The following PTPRK variants were observed in gnomAD, a reference collection of about 807,000 sequenced individuals.
PTPRK encodes receptor-type tyrosine-protein phosphatase kappa.
Under a neutral mutation model 178.0 loss-of-function variants are expected in PTPRK, and 75 were observed. The observed-to-expected ratio is 0.42, with a 90% confidence interval of 0.35 to 0.51. The LOEUF (loss-of-function observed/expected upper bound fraction) is 0.51, where lower values mean the gene tolerates loss of function less well. Among genes scored for constraint, PTPRK ranks in the 20% least tolerant of loss-of-function variants. PTPRK has a pLI of 0.02. For synonymous variants in PTPRK, 637 were observed against 620.6 expected (o/e 1.03, Z -0.39); for missense variants, 1,441 against 1,797.8 (o/e 0.80, Z 3.59).
chr6:128,472,316 G>A (rs1231217868), intron 1 of PTPRK, among the ~76,000 whole-genome samples: 2 of 151,898 alleles, frequency 1.3e-5, no homozygotes, highest in Admixed American at 6.6e-5. Context: ...TGGTGCACCC[G>A]AGCTACATGC....
intron 7 of PTPRK, among the ~76,000 whole-genome samples, chr6:128,116,198 C>T (rs1791502386): frequency 6.6e-6 from 1 of 152,076 alleles, no homozygotes. Context: ...TTAAGGTTAA[C>T]AGGGACACAG....
rs74297178 is a variant in PTPRK, at chr6:128,117,587, T to C, written c.1163-27595A>G. Among the ~76,000 whole-genome samples the C allele has an allele frequency of 1.1e-3, 161 of 152,338 alleles. 3 individuals carry two copies. In the East Asian group the frequency reaches 0.028, roughly 26 times the overall value. ...TTTTTTAGTCTCCAGCTTAATTCAT[T>C]TTTATCAATTAAGATTTGCACAGCT... is the stretch of plus-strand genomic sequence containing the variant. On this transcript the variant is annotated intron_variant, in intron 7 of 29. Coordinates refer to ENST00000368226, the MANE Select transcript of PTPRK (RefSeq NM_002844.4).
Position 128,412,457 on chromosome 6 carries a change from C to G in PTPRK, c.101-14769G>C, listed in dbSNP as rs1584592126. 2.0e-5 allele frequency among the ~76,000 whole-genome samples: 3 copies of G among 152,160 alleles called. No individual in the cohort carries two copies. In the East Asian group the frequency reaches 5.8e-4, roughly 29 times the overall value. ...GCTAGTAAGGCACCAAGCCATAGTT[C>G]AAATCCAAGCAAAGCTGGCAGTTCC... On this transcript the variant is annotated intron_variant, in intron 1 of 29. Coordinates refer to ENST00000368226, the MANE Select transcript of PTPRK (RefSeq NM_002844.4).
chr6:128,351,274 T>G (rs1007060793), intron 2 of PTPRK, among the ~76,000 whole-genome samples: 24 of 152,174 alleles, frequency 1.6e-4, no homozygotes, highest in African/African-American at 5.8e-4. Context: ...ACATCAACAG[T>G]ATTCTTATTT....
At chr6:128,121,575 A>G (rs927542236) in intron 7 of PTPRK, among the ~76,000 whole-genome samples, 1 of 152,058 alleles carries the variant, frequency 6.6e-6, no homozygotes, top group African/African-American at 2.4e-5. Context: ...GTACAAACTT[A>G]TCTGCACAGA....
intron 1 of PTPRK, among the ~76,000 whole-genome samples, chr6:128,506,025 T>C (rs1307197606): frequency 1.3e-5 from 2 of 150,820 alleles, no homozygotes; most frequent in East Asian, 1.9e-4. Flanking sequence ...AAAAATGTTA[T>C]ATAGAATTCA....
chr6:128,295,057 G>A (rs1469979234), intron 3 of PTPRK, among the ~76,000 whole-genome samples: 1 of 152,046 alleles, frequency 6.6e-6, no homozygotes, highest in Non-Finnish European at 1.5e-5. Flanking sequence ...CAGTTTGGAA[G>A]TCCTTAAGTC....
chr6:128,044,705 G>T (rs533516534), intron 13 of PTPRK, among the ~76,000 whole-genome samples: 6 of 151,562 alleles, frequency 4.0e-5, no homozygotes, highest in Non-Finnish European at 7.4e-5. Flanking sequence ...GGATTTATCC[G>T]AAATCCTTTC....
chr6:128,475,167 C>T (rs187614134), intron 1 of PTPRK, among the ~76,000 whole-genome samples: 1 of 152,016 alleles, frequency 6.6e-6, no homozygotes, highest in East Asian at 1.9e-4. Flanking sequence ...GACCTTGGGC[C>T]AGGTATTTAT....
chr6:128,432,246 G>A (rs1844926557), intron 1 of PTPRK, among the ~76,000 whole-genome samples: 1 of 152,122 alleles, frequency 6.6e-6, no homozygotes, highest in Non-Finnish European at 1.5e-5. Context: ...ACGAATATTT[G>A]GATATACTTT....
intron 13 of PTPRK, among the ~76,000 whole-genome samples, chr6:128,023,704 A>C (rs912238207): frequency 1.3e-5 from 2 of 152,142 alleles, no homozygotes; most frequent in Non-Finnish European, 2.9e-5. Context: ...CCAGGGCTAG[A>C]GTGCAATGGA....
chr6:128,174,536 A>G lies in PTPRK; in HGVS notation c.1162+9896T>C, dbSNP rs527562302. On this transcript the variant is annotated intron_variant, in intron 7 of 29. Transcript: ENST00000368226. ...GTGCATGTTCCTTTGTTTAAAATAT[A>G]CTTGTAAATATATATAAATTTATTT... 1.1e-4 allele frequency among the ~76,000 whole-genome samples: 16 copies of G among 152,048 alleles called. No individual in the cohort carries two copies. The East Asian group carries it at 2.9e-3, about 28-fold the overall frequency.
intron 21 of PTPRK, among the ~76,000 whole-genome samples, chr6:127,986,115 A>T (rs965522213): frequency 1.6e-4 from 24 of 152,204 alleles, no homozygotes; most frequent in African/African-American, 5.5e-4. Context: ...CTCAGTTCTA[A>T]AAGTCTGGGT....
chr6:128,375,058 CATTATTATTATTATTATTATT>C (rs58185524), intron 2 of PTPRK, among the ~76,000 whole-genome samples: 12 of 132,282 alleles, frequency 9.1e-5, no homozygotes, highest in African/African-American at 3.0e-4. Context: ...AGAAACACTG[CATTATTATTATTATTATTATT>C]ATTATTATTA....
chr6:128,289,590 A>G (rs964360774), intron 3 of PTPRK, among the ~76,000 whole-genome samples: 1 of 152,156 alleles, frequency 6.6e-6, no homozygotes, highest in Non-Finnish European at 1.5e-5. Context: ...CCTGTGGGAT[A>G]CCTTTTAAAT....
intron 6 of PTPRK, among the ~76,000 whole-genome samples, chr6:128,216,591 C>T (rs1809356867): frequency 6.6e-6 from 1 of 150,988 alleles, no homozygotes; most frequent in Middle Eastern, 3.2e-3. Flanking sequence ...TAAGGATCCT[C>T]TTTCTTATAA....
chr6:128,452,685 C>G (rs891420920), intron 1 of PTPRK, among the ~76,000 whole-genome samples: 1 of 152,086 alleles, frequency 6.6e-6, no homozygotes, highest in East Asian at 1.9e-4. Context: ...CTGTCCAACA[C>G]CAGGGAGGAA....
At chr6:128,317,877 A>C (rs188048922) in intron 3 of PTPRK, among the ~76,000 whole-genome samples, 106 of 152,278 alleles carry the variant, frequency 7.0e-4, no homozygotes, top group Admixed American at 1.6e-3. Flanking sequence ...ACCTACAAAG[A>C]AGCTGGGAAA....
chr6:128,374,862 T>C (rs1015017827), intron 2 of PTPRK, among the ~76,000 whole-genome samples: 1 of 152,046 alleles, frequency 6.6e-6, no homozygotes. Flanking sequence ...TTATCTCCTA[T>C]AACAATGCCT....
Sources: gnomAD v4.1 joint callset for allele counts (sites outside exome capture counted in the v4.1 genomes callset) on GRCh38, gnomAD v4.1.1 for gene constraint, MANE v1.5 for transcripts, NCBI Gene and HGNC (gene_info 2026-07-23, HGNC 2026-07-21) for gene names.